The following RAB6A variants were observed in gnomAD, a reference collection of about 807,000 sequenced individuals.
RAB6A encodes the protein ras-related protein Rab-6A.
A neutral mutation model predicts 32.3 loss-of-function variants in RAB6A; 8 were observed. The ratio of observed to expected loss-of-function variants is 0.25; its 90% CI spans 0.15 to 0.45. The LOEUF is 0.45. RAB6A is among the 20% of genes least tolerant of loss of function. The pLI is 1.00. For missense variants in RAB6A, 104 were observed against 249.4 expected, an observed-to-expected ratio of 0.42 and a Z score of 3.93; for synonymous variants, 73 against 82.1, an observed-to-expected ratio of 0.89 and a Z score of 0.60.
At chr11:73,749,081 C>T (rs1017652010) in intron 1 of RAB6A, among the ~76,000 whole-genome samples, 2 of 151,822 alleles carry the variant, frequency 1.3e-5, no homozygotes, top group Non-Finnish European at 2.9e-5. Context: ...GCCGAGATCA[C>T]GACACTGCAC....
At chr11:73,710,133 TG>T (rs1200231530) in intron 5 of RAB6A, among the ~76,000 whole-genome samples, 5 of 27,222 alleles carry the variant, frequency 1.8e-4, no homozygotes, top group South Asian at 3.0e-3. Context: ...TAATTTTTTG[TG>T]TTTTTTTTTT....
chr11:73,756,245 T>C (rs1398608505), intron 1 of RAB6A, among the ~76,000 whole-genome samples: 1 of 151,996 alleles, frequency 6.6e-6, no homozygotes, highest in Non-Finnish European at 1.5e-5. Flanking sequence ...TCCCAGCTAC[T>C]TGGGAGGCTG....
intron 2 of RAB6A, chr11:73,730,229 CT>C (rs1946282958): frequency 6.6e-6 from 1 of 152,052 alleles, no homozygotes; most frequent in Non-Finnish European, 1.5e-5. Flanking sequence ...TATCTCTTTT[CT>C]TTTTTGTATA....
At chr11:73,694,979 G>A (rs1294894426) in intron 6 of RAB6A, among the ~76,000 whole-genome samples, 1 of 152,106 alleles carries the variant, frequency 6.6e-6, no homozygotes, top group Non-Finnish European at 1.5e-5. Context: ...TCGTGCCACT[G>A]CACTCAAGCC....
At chr11:73,731,679 AGATATTATATATATATATATAT>A (rs1946303780) in intron 1 of RAB6A, among the ~76,000 whole-genome samples, 1 of 115,286 alleles carries the variant, frequency 8.7e-6, no homozygotes, top group African/African-American at 3.3e-5. Flanking sequence ...ATAGATAGAT[AGATATTATATATATATATATAT>A]ATATATATAT....
intron 6 of RAB6A, among the ~76,000 whole-genome samples, chr11:73,696,034 G>A (rs1372600853): frequency 2.6e-5 from 4 of 152,126 alleles, no homozygotes; most frequent in African/African-American, 9.7e-5. Context: ...AGTTAACTAA[G>A]TAGTTTATAG....
intron 2 of RAB6A, among the ~76,000 whole-genome samples, chr11:73,721,806 CTG>C (rs560098769): frequency 1.2e-3 from 177 of 152,192 alleles, no homozygotes; most frequent in African/African-American, 4.1e-3. Context: ...GAAACTGAGT[CTG>C]TGCATTTTAA....
chr11:73,707,044 G>A (rs771308426), intron 6 of RAB6A, among the ~76,000 whole-genome samples: 2 of 151,614 alleles, frequency 1.3e-5, no homozygotes, highest in Non-Finnish European at 2.9e-5. Context: ...CTTGAACCCA[G>A]GAGGTGGAGG....
At chr11:73,692,788 C>CAAAAAAAAAAAAAAA (rs140762210) in intron 6 of RAB6A, among the ~76,000 whole-genome samples, 9 of 98,132 alleles carry the variant, frequency 9.2e-5, no homozygotes, top group Admixed American at 2.7e-4. Flanking sequence ...ACTAAAAATA[C>CAAAAAAAAAAAAAAA]AAAAAAAAAA....
chr11:73,715,739 T>C (rs1181967944), intron 5 of RAB6A, among the ~76,000 whole-genome samples: 2 of 152,340 alleles, frequency 1.3e-5, no homozygotes, highest in East Asian at 3.9e-4. Context: ...GCTTTGCTCA[T>C]TTGACTAAGG....
chr11:73,736,454 C>A (rs1358744351), intron 1 of RAB6A, among the ~76,000 whole-genome samples: 3 of 149,748 alleles, frequency 2.0e-5, no homozygotes, highest in African/African-American at 7.4e-5. Context: ...AAGAAATTCA[C>A]CAGTGAAAGT....
At chr11:73,736,809 G>GAAAAA (rs756237159) in intron 1 of RAB6A, among the ~76,000 whole-genome samples, 7 of 108,758 alleles carry the variant, frequency 6.4e-5, no homozygotes, top group Non-Finnish European at 1.0e-4. Context: ...AAAAAAAAAA[G>GAAAAA]AAAAAAAAAA....
Position 73,733,550 on chromosome 11 carries a change from C to CA in RAB6A, c.71-2728dup, listed in dbSNP as rs773779816. Among the ~76,000 whole-genome samples the CA allele has an allele frequency of 3.4e-3, 402 of 118,456 alleles. 1 individual carries two copies. Among genetic ancestry groups the CA allele is most frequent in the Admixed American group, 0.018 (199 of 11,264 alleles). 77.7% of individuals were successfully genotyped at this position (118,456 alleles called of 152,430 possible). ...GGCGACAGGGTGTGAGACACCATCT[C>CA]AAAAAAAAAAAAATAAATAAATAAA... is the stretch of plus-strand genomic sequence containing the variant. On this transcript the variant is annotated intron_variant, in intron 1 of 7. Transcript: ENST00000336083.
At chr11:73,739,282 A>ACATATATATATATATATATATATAT (rs1289309364) in intron 1 of RAB6A, among the ~76,000 whole-genome samples, 1 of 15,332 alleles carries the variant, frequency 6.5e-5, no homozygotes, top group African/African-American at 1.4e-4. Context: ...AAAAAAAAAA[A>ACATATATATATATATATATATATAT]AAATATATAT....
chr11:73,715,557 T>C (rs983875737), intron 5 of RAB6A, among the ~76,000 whole-genome samples: 3 of 152,212 alleles, frequency 2.0e-5, no homozygotes, highest in Non-Finnish European at 4.4e-5. Context: ...AATATCCATC[T>C]CATGAATAAA....
chr11:73,718,203 T>C (rs1946080118), intron 4 of RAB6A, among the ~76,000 whole-genome samples: 1 of 152,226 alleles, frequency 6.6e-6, no homozygotes. Flanking sequence ...AAAAGCTGGC[T>C]AGCAGAAGCT....
chr11:73,739,793 A>C lies in RAB6A; in HGVS notation c.71-8970T>G, dbSNP rs12575018. Among the ~76,000 whole-genome samples the C allele has an allele frequency of 7.2e-4, 110 of 152,294 alleles. 1 individual carries two copies. In the East Asian group the frequency reaches 0.02, roughly 28 times the overall value. ...AGCCTCAGGCCGGGCCCGGTGGCTC[A>C]TGCCTGTAATCCCAGCACTTTGGGA... On this transcript the variant is annotated intron_variant, in intron 1 of 7. Transcript: ENST00000336083.
At chr11:73,710,414 C>T (rs537340842) in intron 5 of RAB6A, among the ~76,000 whole-genome samples, 1 of 151,666 alleles carries the variant, frequency 6.6e-6, no homozygotes, top group East Asian at 1.9e-4. Context: ...TAACAATATC[C>T]AACATCATCA....
intron 1 of RAB6A, among the ~76,000 whole-genome samples, chr11:73,732,686 G>A (rs1014045962): frequency 2.0e-5 from 3 of 152,226 alleles, no homozygotes; most frequent in Non-Finnish European, 2.9e-5. Context: ...CTTGAATCTG[G>A]GAGGCAGAGA....
Sources: allele counts gnomAD v4.1 joint callset (sites outside exome capture counted in the v4.1 genomes callset), GRCh38; gene constraint gnomAD v4.1.1; transcripts MANE v1.5; gene names NCBI Gene and HGNC (gene_info 2026-07-23, HGNC 2026-07-21).